Variants in ETNPPL observed in about 807,000 individuals in gnomAD.
The protein encoded by ETNPPL is ethanolamine-phosphate phospho-lyase.
In ETNPPL, 30 loss-of-function variants were observed where a neutral mutation model predicts 55.5. The ratio of observed to expected loss-of-function variants is 0.54; its 90% CI spans 0.40 to 0.73. ETNPPL has a LOEUF of 0.73. Ranked by LOEUF, ETNPPL falls within the 30% of genes least tolerant of loss-of-function variation. The pLI, the probability that ETNPPL is intolerant of heterozygous loss-of-function variation, is 0.00. For synonymous variants in ETNPPL, 202 were observed against 207.2 expected, an observed-to-expected ratio of 0.98 and a Z score of 0.21; for missense variants, 528 against 607.9, an observed-to-expected ratio of 0.87 and a Z score of 1.38.
rs372133920 is a variant in ETNPPL at position 108,743,421 on chromosome 4, G to A, written c.1371+368C>T. 1.1e-4 allele frequency among the ~76,000 whole-genome samples: 17 copies of A among 152,330 alleles called. 1 individual carries two copies. Among genetic ancestry groups the A allele is most frequent in the South Asian group, 8.3e-4 (4 of 4,826 alleles). ...GAACCTCCCTACTAATGCTTCTGCTGATTGTAAAGTCAGTGTGTGAGAATC... is the reference window on the plus strand; with the variant it reads ...GAACCTCCCTACTAATGCTTCTGCTAATTGTAAAGTCAGTGTGTGAGAATC... On this transcript the variant is annotated intron_variant, in intron 12 of 12. Transcript: ENST00000296486.
At position 108,754,604 on chromosome 4, in the gene ETNPPL, A is replaced by G. The variant is rs780677505; in HGVS notation, c.501+16T>C. The G allele has an allele frequency of 1.5e-6, 2 of 1,296,526 alleles. No individual in the cohort carries two copies. The highest frequency in any genetic ancestry group is 1.8e-5 in the Admixed American group (1 of 56,776). 80.3% of individuals were successfully genotyped at this position (1,296,526 alleles called of 1,614,324 possible). ...TCCAATACAAACATTCTGATTTAGG[A>G]TTTTAAGACACTTACCACATGTACA... On this transcript the variant is annotated intron_variant, in intron 5 of 12. Coordinates refer to ENST00000296486, the MANE Select transcript of ETNPPL (RefSeq NM_031279.4).
At chr4:108,743,150 A>G (rs1728300334) in intron 12 of ETNPPL, among the ~76,000 whole-genome samples, 2 of 152,170 alleles carry the variant, frequency 1.3e-5, no homozygotes, top group African/African-American at 4.8e-5. Context: ...GTGTTCCTTT[A>G]TGCATCGAAC....
intron 3 of ETNPPL, 48 bp downstream of exon 3, chr4:108,759,701 G>T: frequency 1.3e-6 from 2 of 1,584,648 alleles, no homozygotes; most frequent in Non-Finnish European, 1.7e-6. Flanking sequence ...TGCAAGAGTA[G>T]ACAAAGTTTA....
intron 9 of ETNPPL, among the ~76,000 whole-genome samples, chr4:108,747,240 A>AAT (rs1159627844): frequency 1.8e-4 from 7 of 39,666 alleles, no homozygotes; most frequent in Middle Eastern, 0.014. Flanking sequence ...ATATATATAT[A>AAT]ATATATATAT....
intron 3 of ETNPPL, 97 bp from the exon 4 acceptor site, chr4:108,756,589 C>A: frequency 6.5e-6 from 6 of 918,396 alleles, no homozygotes; most frequent in Non-Finnish European, 5.3e-6. Flanking sequence ...GTAATCCTAG[C>A]GCTTTGAGAG....
At chr4:108,754,221 G>A (rs1352439260) in intron 5 of ETNPPL, among the ~76,000 whole-genome samples, 4 of 151,658 alleles carry the variant, frequency 2.6e-5, no homozygotes, top group South Asian at 2.1e-4. Flanking sequence ...CCAGTGATCC[G>A]CCCACCTCGG....
At chr4:108,743,353 G>A (rs1219404457) in intron 12 of ETNPPL, among the ~76,000 whole-genome samples, 1 of 152,152 alleles carries the variant, frequency 6.6e-6, no homozygotes. Context: ...GCCATTCGAA[G>A]CTTACGCTTT....
intron 6 of ETNPPL, 46 bp from the exon 7 acceptor site, chr4:108,751,064 AC>A (rs769972712): frequency 1.5e-6 from 2 of 1,347,886 alleles, no homozygotes; most frequent in South Asian, 2.3e-5. Flanking sequence ...TCCCCCTACA[AC>A]CCCCCTAAAA....
intron 6 of ETNPPL, among the ~76,000 whole-genome samples, chr4:108,751,611 G>A (rs1347438792): frequency 6.6e-6 from 1 of 152,226 alleles, no homozygotes; most frequent in Non-Finnish European, 1.5e-5. Flanking sequence ...AACAGATAAT[G>A]TTGAAGAGAA....
Position 108,743,842 on chromosome 4 carries a change from T to C in ETNPPL, c.1318A>G (p.Met440Val), listed in dbSNP as rs1242339707. Residue 440 changes from methionine (M) to valine (V), a missense_variant, in exon 12 of 13, where the codon ATG becomes GTG. By Grantham distance (21) the Met-to-Val change is conservative. Transcript: ENST00000296486. ...DRILTVLEEA[M>V]GTKTESVTSE... ...GTCACACTTTCGGTTTTGGTTCCCA[T>C]AGCTTCTTCTAAAACTGAATCAAGG... is the stretch of plus-strand genomic sequence containing the variant. 2 of 1,608,420 alleles carry C rather than the reference T, an allele frequency of 1.2e-6. No homozygotes were observed. The highest frequency in any genetic ancestry group is 2.2e-5 in the East Asian group (1 of 44,850).
Position 108,759,755 on chromosome 4 carries a change from T to C in ETNPPL, c.329A>G (p.Asn110Ser). 3.7e-6 allele frequency: 6 copies of C among 1,614,090 alleles called. No homozygotes were observed. Among genetic ancestry groups the C allele is most frequent in the Non-Finnish European group, 5.1e-6 (6 of 1,179,990 alleles). ...PEKLSVCYFT[N>S]SGSEANDLAL... ...GGGAAACCATGAAGCATACCCTGAA[T>C]TTGTAAAATAACAAACAGAGAGTTT... is the stretch of plus-strand genomic sequence containing the variant. The change falls in exon 3 of 13, where the codon AAT (asparagine) becomes AGT (serine). Residue 110 changes from asparagine to serine, a missense_variant. Physicochemically the swap from Asn to Ser is conservative, Grantham distance 46. Coordinates refer to ENST00000296486, the MANE Select transcript of ETNPPL (RefSeq NM_031279.4).
chr4:108,762,606 A>T, intron 1 of ETNPPL: 1 of 633,314 alleles, frequency 1.6e-6, no homozygotes, highest in African/African-American at 1.8e-5. Flanking sequence ...CGCCGGCTGC[A>T]GAGCGAGCCG....
In ETNPPL at chr4:108,762,988, C is replaced by A. The variant is rs1729595521; in HGVS notation, c.-90G>T. Reference sequence around the variant, plus strand: ...CTGGGACTGCCTTGGCGGCCCCGGCCGGCCTTCCTCCCGTTATCCCTCCTG... The same window carrying A: ...CTGGGACTGCCTTGGCGGCCCCGGCAGGCCTTCCTCCCGTTATCCCTCCTG... On this transcript the variant is annotated 5_prime_UTR_variant, in exon 1 of 13. Transcript: ENST00000296486. 3.9e-6 allele frequency: 5 copies of A among 1,298,100 alleles called. No homozygotes were observed. Among genetic ancestry groups the A allele is most frequent in the Middle Eastern group, 1.8e-4 (1 of 5,406 alleles). 80.4% of individuals were successfully genotyped at this position (1,298,100 alleles called of 1,614,324 possible).
chr4:108,744,796 C>G (rs1204903852), intron 11 of ETNPPL, among the ~76,000 whole-genome samples: 1 of 149,248 alleles, frequency 6.7e-6, no homozygotes, highest in South Asian at 2.1e-4. Flanking sequence ...CTCACTGCAA[C>G]CTCTGCCTTG....
At chr4:108,754,265 A>G (rs865810832) in intron 5 of ETNPPL, among the ~76,000 whole-genome samples, 1 of 152,092 alleles carries the variant, frequency 6.6e-6, no homozygotes, top group Non-Finnish European at 1.5e-5. Flanking sequence ...GGCACGAGCC[A>G]CTGTGCCCGG....
chr4:108,758,122 G>A, intron 3 of ETNPPL, among the ~76,000 whole-genome samples: 1 of 149,738 alleles, frequency 6.7e-6, no homozygotes, highest in East Asian at 2.0e-4. Context: ...CTCCCAAGTA[G>A]CTGGGACTAC....
chr4:108,754,183 G>T (rs1013426811), intron 5 of ETNPPL, among the ~76,000 whole-genome samples: 22 of 151,838 alleles, frequency 1.4e-4, no homozygotes, highest in African/African-American at 5.3e-4. Context: ...TCGCCATGTT[G>T]TCCAGGCTGG....
At chr4:108,757,758 G>C (rs2125680960) in intron 3 of ETNPPL, among the ~76,000 whole-genome samples, 1 of 151,946 alleles carries the variant, frequency 6.6e-6, no homozygotes, top group East Asian at 1.9e-4. Context: ...GGGCAACATG[G>C]TGAAACCCCA....
chr4:108,755,009 G>A (rs1008876522), intron 4 of ETNPPL, among the ~76,000 whole-genome samples: 3 of 152,186 alleles, frequency 2.0e-5, no homozygotes, highest in Admixed American at 2.0e-4. Context: ...AAATTAGATT[G>A]TCTAAATGTG....
Sources: gnomAD v4.1 joint callset for allele counts (sites outside exome capture counted in the v4.1 genomes callset) on GRCh38, gnomAD v4.1.1 for gene constraint, MANE v1.5 for transcripts, NCBI Gene and HGNC (gene_info 2026-07-23, HGNC 2026-07-21) for gene names.